The following CALN1 variants were observed in gnomAD, a reference collection of about 807,000 sequenced individuals.
CALN1 encodes calcium-binding protein 8.
In CALN1, 17 loss-of-function variants were observed where a neutral mutation model predicts 30.6. The observed-to-expected ratio is 0.56, with a 90% CI of 0.38 to 0.83. The LOEUF is 0.83. Ranked by LOEUF, CALN1 falls within the 40% of genes least tolerant of loss-of-function variation. The pLI, the probability that CALN1 is intolerant of heterozygous loss-of-function variation, is 0.00. For synonymous variants in CALN1, 156 were observed against 131.4 expected, an observed-to-expected ratio of 1.19 and a Z score of -1.28; for missense variants, 291 against 354.9, an observed-to-expected ratio of 0.82 and a Z score of 1.45.
intron 5 of CALN1, among the ~76,000 whole-genome samples, chr7:71,892,904 C>A (rs1562877727): frequency 6.6e-6 from 1 of 151,704 alleles, no homozygotes; most frequent in Non-Finnish European, 1.5e-5. Context: ...TTTTTGGAGA[C>A]AAACTTATTT....
chr7:71,846,067 ATTAACACTC>A (rs1790216269), intron 5 of CALN1, among the ~76,000 whole-genome samples: 1 of 152,076 alleles, frequency 6.6e-6, no homozygotes, highest in Non-Finnish European at 1.5e-5. Flanking sequence ...AAAATAAAAG[ATTAACACTC>A]TCCTCCTGGA....
At chr7:72,413,721 C>T (rs983535450), upstream of CALN1, among the ~76,000 whole-genome samples, 4 of 151,994 alleles carry the variant, frequency 2.6e-5, no homozygotes, top group African/African-American at 9.7e-5. Context: ...TACACTTACA[C>T]TTATACACAC....
chr7:72,350,314 TA>T (rs1343765921), intron 2 of CALN1, among the ~76,000 whole-genome samples: 1 of 152,158 alleles, frequency 6.6e-6, no homozygotes, highest in African/African-American at 2.4e-5. Flanking sequence ...CGTTCTACCA[TA>T]AAGTCCTTTG....
At chr7:72,276,319 A>G (rs78979408) in intron 3 of CALN1, among the ~76,000 whole-genome samples, 5 of 152,298 alleles carry the variant, frequency 3.3e-5, no homozygotes, top group African/African-American at 9.6e-5. Context: ...TCCCATAGGT[A>G]GGAAAAGCCT....
chr7:72,421,933 T>A (rs1203895426), intron 1 of CALN1, among the ~76,000 whole-genome samples: 1 of 152,164 alleles, frequency 6.6e-6, no homozygotes, highest in African/African-American at 2.4e-5. Flanking sequence ...TCCAGTTCCA[T>A]CCAACTTGCT....
At chr7:71,815,716 T>A (rs1166145485) in intron 5 of CALN1, among the ~76,000 whole-genome samples, 1 of 150,584 alleles carries the variant, frequency 6.6e-6, no homozygotes, top group African/African-American at 2.4e-5. Context: ...CTCCCTTCCA[T>A]CCTTCCTTTC....
At chr7:72,115,907 A>T (rs1807952237) in intron 3 of CALN1, among the ~76,000 whole-genome samples, 1 of 151,996 alleles carries the variant, frequency 6.6e-6, no homozygotes, top group South Asian at 2.1e-4. Context: ...TATATGAATG[A>T]TAACATGCAA....
intron 4 of CALN1, among the ~76,000 whole-genome samples, chr7:72,095,434 C>T (rs1429435024): frequency 1.3e-5 from 2 of 152,186 alleles, no homozygotes; most frequent in East Asian, 1.9e-4. Flanking sequence ...TTCACTAACA[C>T]AGAGTGAAAT....
chr7:71,865,960 TAGC>T (rs1361574164), intron 5 of CALN1, among the ~76,000 whole-genome samples: 31 of 152,246 alleles, frequency 2.0e-4, no homozygotes, highest in African/African-American at 7.2e-4. Flanking sequence ...AGTATACGAA[TAGC>T]AGCTTTCTGA....
At chr7:72,291,490 T>C (rs1798474081) in intron 2 of CALN1, among the ~76,000 whole-genome samples, 1 of 152,200 alleles carries the variant, frequency 6.6e-6, no homozygotes, top group Admixed American at 6.5e-5. Flanking sequence ...ATTACATTAA[T>C]TCCTTAACTT....
chr7:71,903,295 C>G lies in CALN1; in HGVS notation c.502-92803G>C, dbSNP rs537898064. Reference sequence around the variant, plus strand: ...TTGCAGGCATCACATTACCTAACTTCAAAAAAATACTATGAAGCTATAGTA... The same window carrying G: ...TTGCAGGCATCACATTACCTAACTTGAAAAAAATACTATGAAGCTATAGTA... On this transcript the variant is annotated intron_variant, in intron 5 of 6. Coordinates refer to ENST00000395275, the MANE Select transcript of CALN1 (RefSeq NM_031468.4). 9.9e-5 allele frequency among the ~76,000 whole-genome samples: 15 copies of G among 151,856 alleles called. No homozygotes were observed. The South Asian group carries it at 3.1e-3, about 32-fold the overall frequency.
chr7:72,019,987 G>A (rs1800612867), intron 5 of CALN1, among the ~76,000 whole-genome samples: 1 of 152,142 alleles, frequency 6.6e-6, no homozygotes, highest in Admixed American at 6.5e-5. Flanking sequence ...TTCTTTCAAG[G>A]ATATCAGTAC....
chr7:71,863,557 C>CAAAA (rs71531769), intron 5 of CALN1, among the ~76,000 whole-genome samples: 3 of 32,212 alleles, frequency 9.3e-5, no homozygotes, highest in African/African-American at 2.0e-4. Flanking sequence ...AACTCCATCT[C>CAAAA]AAAAAAAAAA....
At chr7:72,086,463 T>G (rs1203436518) in intron 4 of CALN1, among the ~76,000 whole-genome samples, 2 of 152,178 alleles carry the variant, frequency 1.3e-5, no homozygotes, top group Non-Finnish European at 2.9e-5. Context: ...GAGAGGAGTC[T>G]TGCTCTGTTG....
intron 2 of CALN1, among the ~76,000 whole-genome samples, chr7:72,320,661 C>T (rs1800809693): frequency 6.6e-6 from 1 of 151,802 alleles, no homozygotes; most frequent in South Asian, 2.1e-4. Flanking sequence ...ATGGCAAAAC[C>T]CCATCTCTAC....
chr7:72,286,020 C>A, intron 2 of CALN1, among the ~76,000 whole-genome samples: 1 of 152,186 alleles, frequency 6.6e-6, no homozygotes. Flanking sequence ...ATTCTCAACA[C>A]CACCAATGCC....
chr7:72,123,590 G>A (rs1584990057), intron 3 of CALN1, among the ~76,000 whole-genome samples: 1 of 152,286 alleles, frequency 6.6e-6, no homozygotes, highest in South Asian at 2.1e-4. Flanking sequence ...GGTAAATCGT[G>A]GAAAGGATTG....
intron 5 of CALN1, among the ~76,000 whole-genome samples, chr7:71,840,359 C>G (rs1047940725): frequency 1.3e-5 from 2 of 151,856 alleles, no homozygotes; most frequent in Non-Finnish European, 2.9e-5. Context: ...GTGGTGTGCA[C>G]CCATAGTCCC....
upstream of CALN1, among the ~76,000 whole-genome samples, chr7:72,413,214 C>T (rs1234567352): frequency 2.0e-5 from 3 of 151,534 alleles, no homozygotes; most frequent in East Asian, 1.9e-4. Flanking sequence ...CACACACACA[C>T]TCATACACAC....
Sources: allele counts gnomAD v4.1 joint callset (sites outside exome capture counted in the v4.1 genomes callset), GRCh38; gene constraint gnomAD v4.1.1; transcripts MANE v1.5; gene names NCBI Gene and HGNC (gene_info 2026-07-23, HGNC 2026-07-21).